PLCD4: variants seen among roughly 807,000 people sequenced by gnomAD.
PLCD4 encodes 1-phosphatidylinositol 4,5-bisphosphate phosphodiesterase delta-4.
PLCD4 carries 63 observed loss-of-function variants against 90.2 expected under a neutral mutation model. The ratio of observed to expected loss-of-function variants is 0.70; its 90% CI spans 0.57 to 0.86. The LOEUF (loss-of-function observed/expected upper bound fraction) is 0.86. Among genes scored for constraint, PLCD4 ranks in the 40% least tolerant of loss-of-function variants. The pLI, the probability that PLCD4 is intolerant of heterozygous loss-of-function variation, is 0.00. For synonymous variants in PLCD4, 294 were observed against 356.5 expected, an observed-to-expected ratio of 0.82 and a Z score of 1.97; for missense variants, 830 against 956.3, an observed-to-expected ratio of 0.87 and a Z score of 1.74.
At chr2:218,633,215 G>T (rs1051166496) in intron 10 of PLCD4, 1 of 595,160 alleles carries the variant, frequency 1.7e-6, no homozygotes, top group Non-Finnish European at 3.0e-6. Context: ...AAAGGTTATT[G>T]TTCCTTTGTT....
At chr2:218,625,928 C>T (rs1309279695) in intron 6 of PLCD4, among the ~76,000 whole-genome samples, 1 of 151,366 alleles carries the variant, frequency 6.6e-6, no homozygotes, top group Non-Finnish European at 1.5e-5. Context: ...AGCGAGACTC[C>T]ATCTCAAAAA....
At chr2:218,623,738 A>C (rs548067127) in intron 6 of PLCD4, among the ~76,000 whole-genome samples, 118 of 152,270 alleles carry the variant, frequency 7.7e-4, no homozygotes, top group Non-Finnish European at 1.4e-3. Context: ...ACTGGAGTGC[A>C]ATGGCACGAT....
intron 1 of PLCD4, 100 bp from the exon 2 acceptor site, chr2:218,615,607 A>G: frequency 2.1e-6 from 2 of 946,774 alleles, no homozygotes; most frequent in Non-Finnish European, 1.6e-6. Context: ...AAACCTATCT[A>G]AAGTGTCAGA....
chr2:218,616,008 G>T lies in PLCD4; in HGVS notation c.127G>T (p.Asp43Tyr). ...KKLRYFRLQN[D>Y]GMTVWHARQA... ...GCTAAGATACTTCAGACTTCAGAATGACGGCATGACAGTCTGGCATGCACG... is the reference window on the plus strand; with the variant it reads ...GCTAAGATACTTCAGACTTCAGAATTACGGCATGACAGTCTGGCATGCACG... Residue 43 changes from aspartate (D) to tyrosine (Y), a missense_variant, in exon 3 of 16, where the codon GAC becomes TAC. By Grantham distance (160) the Asp-to-Tyr change is radical. Transcript: ENST00000450993. 6.2e-7 allele frequency: 1 copy of T among 1,614,038 alleles called. No homozygotes were observed. The highest frequency in any genetic ancestry group is 8.5e-7 in the Non-Finnish European group (1 of 1,179,904).
At position 218,633,197 on chromosome 2, in the gene PLCD4, T is replaced by C. The variant is rs561149288; in HGVS notation, c.1450-408T>C. The C allele has an allele frequency of 6.6e-5, 39 of 587,032 alleles. 2 individuals carry two copies. The South Asian group carries it at 8.1e-4, about 12-fold the overall frequency. The allele number at this position is 587,032 out of a possible 1,614,324, so 36.4% of individuals were successfully genotyped here. A position where few individuals can be genotyped will look rare whatever the true frequency, so the allele number is the denominator to read the frequency against. ...ACATATCTGTCTGGATTCATGTACATTTTGACCAAAGGTTATTGTTCCTTT... is the reference window on the plus strand; with the variant it reads ...ACATATCTGTCTGGATTCATGTACACTTTGACCAAAGGTTATTGTTCCTTT... On this transcript the variant is annotated intron_variant, in intron 10 of 15. Transcript: ENST00000450993.
Position 218,618,625 on chromosome 2 carries a change from GT to G in PLCD4, c.230del (p.Leu77CysfsTer28). 2 of 1,614,082 alleles carry G rather than the reference GT, an allele frequency of 1.2e-6. No homozygotes were observed. Among genetic ancestry groups the G allele is most frequent in the Non-Finnish European group, 1.7e-6 (2 of 1,179,906 alleles). On this transcript the variant is annotated frameshift_variant, in exon 4 of 16. Transcript: ENST00000450993. LOFTEE classifies it high-confidence loss of function. ...ETIRNGHDSE[L>X]LRSLAEELPL... is the part of the protein sequence containing the mutation. ...CAATACGTAATGGCCATGATTCCGA[GT>G]TGCTGCGTAGCCTGGCAGAGGAGCT... is the stretch of plus-strand genomic sequence containing the variant.
chr2:218,620,110 G>C (rs756531392), intron 4 of PLCD4, among the ~76,000 whole-genome samples: 3 of 152,110 alleles, frequency 2.0e-5, no homozygotes, highest in Admixed American at 2.0e-4. Context: ...TAACTCCTGG[G>C]CTCAAGTGGT....
chr2:218,629,585 C>A lies in PLCD4; in HGVS notation c.1041C>A (p.Val347=), dbSNP rs766646994. The change falls in exon 8 of 16, where the codon GTC becomes GTA. Residue 347 remains valine, a synonymous_variant. Coordinates refer to ENST00000450993, the MANE Select transcript of PLCD4 (RefSeq NM_032726.4). ...GGGATGGACCTAGCGGGGAACCTGT[C>A]GTTTACCACGGACACACCCTGACCT... is the stretch of plus-strand genomic sequence containing the variant. ...DVWDGPSGEP[V]VYHGHTLTSR... 1 of 1,613,496 alleles carries A rather than the reference C, an allele frequency of 6.2e-7. No individual in the cohort carries two copies. Among genetic ancestry groups the A allele is most frequent in the Non-Finnish European group, 8.5e-7 (1 of 1,179,816 alleles).
intron 1 of PLCD4, among the ~76,000 whole-genome samples, chr2:218,615,228 G>C (rs1033909025): frequency 2.0e-5 from 3 of 151,916 alleles, no homozygotes; most frequent in African/African-American, 7.2e-5. Context: ...TCAAAAAAAA[G>C]AAAAAGAAAA....
In PLCD4 at chr2:218,622,564, A is replaced by T. The variant is rs978663640; in HGVS notation, c.541-83A>T. ...ATACACCTACTATGTACCCAGAAAA[A>T]TTTAAAAAAAAATTTTTTTAATTAA... On this transcript the variant is annotated intron_variant, in intron 5 of 15. Coordinates refer to ENST00000450993, the MANE Select transcript of PLCD4 (RefSeq NM_032726.4). The T allele has an allele frequency of 3.3e-5, 32 of 981,846 alleles. 1 individual carries two copies. The South Asian group carries it at 5.7e-4, about 17-fold the overall frequency. 60.8% of individuals were successfully genotyped at this position (981,846 alleles called of 1,614,324 possible).
chr2:218,633,126 C>G (rs925422885), intron 10 of PLCD4: 1 of 475,756 alleles, frequency 2.1e-6, no homozygotes, highest in Non-Finnish European at 3.7e-6. Context: ...CTCTGGGACT[C>G]TCACATCCTT....
chr2:218,627,932 G>A (rs970298511), intron 6 of PLCD4, 97 bp from the exon 7 acceptor site: 1 of 1,153,786 alleles, frequency 8.7e-7, no homozygotes, highest in African/African-American at 1.5e-5. Context: ...CTGAAAGGCA[G>A]GGCTCTGGAT....
chr2:218,616,927 T>TATATATATAGAGAG (rs1553571947), intron 3 of PLCD4, among the ~76,000 whole-genome samples: 1 of 13,764 alleles, frequency 7.3e-5, no homozygotes, highest in Non-Finnish European at 1.3e-4. Context: ...TATATATATA[T>TATATATATAGAGAG]AGAGAGAGAG....
chr2:218,636,442 T>C (rs1442820572), intron 15 of PLCD4, 29 bp from the exon 16 acceptor site: 1 of 1,613,990 alleles, frequency 6.2e-7, no homozygotes, highest in South Asian at 1.1e-5. Context: ...CTGGCTGCCT[T>C]CCTAATGCTG....
chr2:218,631,992 T>C (rs1045915756), intron 9 of PLCD4, 144 bp from the exon 10 acceptor site: 2 of 750,776 alleles, frequency 2.7e-6, no homozygotes, highest in Non-Finnish European at 4.2e-6. Flanking sequence ...TCCAATTGTA[T>C]GTATCAAGCA....
At chr2:218,623,300 G>C (rs1339830151) in intron 6 of PLCD4, among the ~76,000 whole-genome samples, 2 of 152,118 alleles carry the variant, frequency 1.3e-5, no homozygotes, top group African/African-American at 4.8e-5. Flanking sequence ...TCCTTTAAAT[G>C]CTGGCTCGCT....
intron 1 of PLCD4, among the ~76,000 whole-genome samples, chr2:218,610,849 T>TC (rs2106114181): frequency 6.6e-6 from 1 of 152,158 alleles, no homozygotes; most frequent in African/African-American, 2.4e-5. Flanking sequence ...TGCCTCAGCC[T>TC]CCCAAGTAGC....
intron 1 of PLCD4, chr2:218,609,743 G>A (rs1478694139): frequency 6.6e-6 from 1 of 152,250 alleles, no homozygotes; most frequent in Non-Finnish European, 1.5e-5. Context: ...AGGATACAGA[G>A]AAAAGTGAGG....
chr2:218,622,675 T>C lies in PLCD4; in HGVS notation c.569T>C (p.Leu190Pro). Reference protein sequence around the residue: ...QAADTSQSGTLEGEEFVQFYK... With the variant: ...QAADTSQSGTPEGEEFVQFYK... ...GCAGACACGTCCCAGTCTGGAACCC[T>C]GGAAGGAGAAGAATTCGTACAGTTC... The change falls in exon 6 of 16, where the codon CTG becomes CCG. Residue 190 changes from leucine to proline, a missense_variant. Transcript: ENST00000450993. 6.2e-7 allele frequency: 1 copy of C among 1,613,946 alleles called. No individual in the cohort carries two copies. Among genetic ancestry groups the C allele is most frequent in the East Asian group, 2.2e-5 (1 of 44,882 alleles).
Sources: allele counts gnomAD v4.1 joint callset (sites outside exome capture counted in the v4.1 genomes callset), GRCh38; gene constraint gnomAD v4.1.1; transcripts MANE v1.5; gene names NCBI Gene and HGNC (gene_info 2026-07-23, HGNC 2026-07-21).